The following PCDH11X variants were observed in gnomAD, a reference collection of about 807,000 sequenced individuals.
The protein encoded by PCDH11X is protocadherin-11 X-linked.
PCDH11X carries 18 observed loss-of-function variants against 53.3 expected under a neutral mutation model. That is an observed-to-expected ratio of 0.34 (90% confidence interval 0.23 to 0.50). PCDH11X has a LOEUF of 0.50. Ranked by LOEUF, PCDH11X falls within the 20% of genes least tolerant of loss-of-function variation. The probability of loss-of-function intolerance (pLI) is 0.98; values close to 1 mark genes in which losing one functional copy is unlikely to be tolerated. For synonymous variants in PCDH11X, 279 were observed against 393.3 expected (o/e 0.71, Z 3.44); for missense variants, 570 against 1,032.4 (o/e 0.55, Z 6.14).
chrX:92,268,449 G>A (rs192549066), intron 8 of PCDH11X, among the ~76,000 whole-genome samples: 12 of 110,780 alleles, frequency 1.1e-4, no homozygotes, highest in African/African-American at 3.9e-4. Context: ...GTGCCACCAC[G>A]CCCAACAATT....
chrX:91,883,846 G>A, intron 6 of PCDH11X: 4 of 749,805 alleles, frequency 5.3e-6, no homozygotes, highest in Non-Finnish European at 6.3e-6. Context: ...AATTTTACTA[G>A]GTTTTTATGT....
At chrX:91,888,670 T>G (rs1246443024) in intron 6 of PCDH11X, among the ~76,000 whole-genome samples, 1 of 111,166 alleles carries the variant, frequency 9.0e-6, no homozygotes, top group Non-Finnish European at 1.9e-5. Flanking sequence ...CAAAAAAATT[T>G]TTTTAAATAA....
chrX:92,375,292 C>T (rs1161340474), intron 8 of PCDH11X, among the ~76,000 whole-genome samples: 1 of 92,644 alleles, frequency 1.1e-5, no homozygotes, highest in Non-Finnish European at 2.1e-5. Context: ...TCTCCTGCCT[C>T]AGCCTCCTGA....
At chrX:92,145,380 A>G (rs2065252654) in intron 6 of PCDH11X, among the ~76,000 whole-genome samples, 1 of 110,663 alleles carries the variant, frequency 9.0e-6, no homozygotes, top group South Asian at 3.8e-4. Context: ...AGAAAACTAT[A>G]AGGCTTCATG....
chrX:92,328,090 A>G (rs1341858212), intron 8 of PCDH11X, among the ~76,000 whole-genome samples: 1 of 111,024 alleles, frequency 9.0e-6, no homozygotes, highest in Non-Finnish European at 1.9e-5. Flanking sequence ...ATGGTTCTCA[A>G]CATATCATAC....
At chrX:92,385,820 TAAAAC>T (rs957596837) in intron 8 of PCDH11X, among the ~76,000 whole-genome samples, 11 of 111,238 alleles carry the variant, frequency 9.9e-5, no homozygotes, top group African/African-American at 2.3e-4. Context: ...AGACCCTGTC[TAAAAC>T]AAAACAAAAC....
chrX:91,860,870 T>C (rs1328923035), intron 5 of PCDH11X, among the ~76,000 whole-genome samples: 27 of 112,158 alleles, frequency 2.4e-4, no homozygotes, highest in African/African-American at 8.4e-4. Context: ...TTTGCCAGTA[T>C]TTTATTCGGG....
chrX:92,536,653 CTTT>C (rs57786279), intron 10 of PCDH11X, among the ~76,000 whole-genome samples: 6 of 49,817 alleles, frequency 1.2e-4, no homozygotes, highest in Admixed American at 7.4e-4. Flanking sequence ...GGATAAAAGC[CTTT>C]TTTTTTTTTT....
chrX:91,904,477 T>G (rs1941075672), intron 6 of PCDH11X, among the ~76,000 whole-genome samples: 1 of 111,115 alleles, frequency 9.0e-6, no homozygotes, highest in African/African-American at 3.3e-5. Context: ...CTTGTACTTG[T>G]TATTTAATTG....
At chrX:92,517,560 A>G (rs2074291266) in intron 10 of PCDH11X, among the ~76,000 whole-genome samples, 1 of 111,768 alleles carries the variant, frequency 8.9e-6, no homozygotes, top group African/African-American at 3.2e-5. Context: ...AATATATAAC[A>G]TTAAATAGCC....
At chrX:92,273,635 T>A (rs996885958) in intron 8 of PCDH11X, among the ~76,000 whole-genome samples, 1 of 110,097 alleles carries the variant, frequency 9.1e-6, no homozygotes, top group African/African-American at 3.3e-5. Flanking sequence ...CAAGCGGGAT[T>A]AGGGGCGGCG....
rs780554770 is a variant in PCDH11X, at chrX:91,903,090, A to G, written c.3033+23817A>G. 2.7e-5 allele frequency among the ~76,000 whole-genome samples: 3 copies of G among 111,323 alleles called. No individual in the cohort carries two copies. In the South Asian group the frequency reaches 1.1e-3, roughly 42 times the overall value. ...TCTTGCTATATGTCACACAAATACT[A>G]TTTGGTAAAGCTGTTATTTAAATAC... On this transcript the variant is annotated intron_variant, in intron 6 of 10. Coordinates refer to ENST00000682573, the MANE Select transcript of PCDH11X (RefSeq NM_032968.5).
At chrX:91,857,153 G>A (rs952129803) in intron 5 of PCDH11X, among the ~76,000 whole-genome samples, 2 of 111,630 alleles carry the variant, frequency 1.8e-5, no homozygotes, top group African/African-American at 6.5e-5. Context: ...GAGGAGAAAG[G>A]CAGGTCTTAC....
intron 4 of PCDH11X, among the ~76,000 whole-genome samples, chrX:91,822,310 CT>C (rs1431649974): frequency 9.5e-6 from 1 of 105,315 alleles, no homozygotes; most frequent in East Asian, 3.0e-4. Context: ...GTCCTGGACT[CT>C]TTTTGGTTGG....
chrX:92,094,113 G>C (rs1239210719), intron 6 of PCDH11X, among the ~76,000 whole-genome samples: 1 of 101,439 alleles, frequency 9.9e-6, no homozygotes, highest in Admixed American at 1.1e-4. Context: ...AAAATATCCA[G>C]CACCACACAA....
intron 10 of PCDH11X, among the ~76,000 whole-genome samples, chrX:92,469,551 T>G (rs1239756348): frequency 1.8e-5 from 2 of 111,693 alleles, no homozygotes; most frequent in East Asian, 5.6e-4. Flanking sequence ...GTCTTTAATA[T>G]GCATTGATTT....
chrX:91,952,265 A>T (rs989479420), intron 6 of PCDH11X, among the ~76,000 whole-genome samples: 3 of 110,091 alleles, frequency 2.7e-5, no homozygotes, highest in African/African-American at 6.6e-5. Flanking sequence ...TTTATTAATG[A>T]GTAGTCCCTT....
At chrX:92,503,777 C>A (rs1175495601) in intron 10 of PCDH11X, among the ~76,000 whole-genome samples, 2 of 111,125 alleles carry the variant, frequency 1.8e-5, no homozygotes, top group African/African-American at 6.5e-5. Flanking sequence ...GGCTTAATAT[C>A]TGGGTGATGG....
intron 4 of PCDH11X, among the ~76,000 whole-genome samples, chrX:91,822,864 G>A (rs1326030677): frequency 9.0e-6 from 1 of 111,307 alleles, no homozygotes; most frequent in Non-Finnish European, 1.9e-5. Context: ...AGAGATTCTG[G>A]TACGTTGTGT....
Sources: gnomAD v4.1 joint callset for allele counts (sites outside exome capture counted in the v4.1 genomes callset) on GRCh38, gnomAD v4.1.1 for gene constraint, MANE v1.5 for transcripts, NCBI Gene and HGNC (gene_info 2026-07-23, HGNC 2026-07-21) for gene names.